The following DIP2C variants were observed in gnomAD, a reference collection of about 807,000 sequenced individuals.
DIP2C encodes disco-interacting protein 2 homolog C.
Under a neutral mutation model 192.4 loss-of-function variants are expected in DIP2C, and 33 were observed. That is an observed-to-expected ratio of 0.17 (90% CI 0.13 to 0.23). DIP2C has a LOEUF of 0.23. Among genes scored for constraint, DIP2C ranks in the 10% least tolerant of loss-of-function variants. The pLI, the probability that DIP2C is intolerant of heterozygous loss-of-function variation, is 1.00. For synonymous variants in DIP2C, 979 were observed against 864.1 expected, an observed-to-expected ratio of 1.13 and a Z score of -2.33; for missense variants, 1,537 against 2,110.1, an observed-to-expected ratio of 0.73 and a Z score of 5.32.
At chr10:668,297 AACAT>A (rs908706076) in intron 1 of DIP2C, 5 of 152,216 alleles carry the variant, frequency 3.3e-5, no homozygotes, top group Non-Finnish European at 5.9e-5. Flanking sequence ...TAACACATAC[AACAT>A]ACAACACATG....
chr10:626,673 G>C (rs1854224299), intron 1 of DIP2C, among the ~76,000 whole-genome samples: 1 of 152,196 alleles, frequency 6.6e-6, no homozygotes, highest in Non-Finnish European at 1.5e-5. Context: ...GGAAATGCCT[G>C]CATGGGGCCA....
At chr10:667,789 C>T (rs1857191509) in intron 1 of DIP2C, 1 of 152,106 alleles carries the variant, frequency 6.6e-6, no homozygotes, top group African/African-American at 2.4e-5. Context: ...ACACAACACT[C>T]ATACAAAACA....
chr10:420,472 G>T (rs1189353869), intron 5 of DIP2C, among the ~76,000 whole-genome samples: 1 of 152,218 alleles, frequency 6.6e-6, no homozygotes, highest in Non-Finnish European at 1.5e-5. Context: ...CCACCTGGAG[G>T]CAGGCAGGCC....
At chr10:581,469 A>AAAAAAAACCTCT (rs1850659738) in intron 1 of DIP2C, among the ~76,000 whole-genome samples, 20 of 152,168 alleles carry the variant, frequency 1.3e-4, no homozygotes, top group Admixed American at 1.3e-3. Context: ...GGTTTTTTTT[A>AAAAAAAACCTCT]AAGTTATATT....
chr10:609,681 A>G (rs571946725), intron 1 of DIP2C, among the ~76,000 whole-genome samples: 2 of 152,332 alleles, frequency 1.3e-5, no homozygotes, highest in East Asian at 1.9e-4. Flanking sequence ...TCCTTCTTAG[A>G]AAATAAAATA....
intron 4 of DIP2C, chr10:430,539 ATTG>A (rs906286208): frequency 3.9e-5 from 6 of 152,126 alleles, no homozygotes; most frequent in Non-Finnish European, 8.8e-5. Flanking sequence ...TTGTTTTGTT[ATTG>A]TTGACTTTTA....
chr10:630,546 A>C (rs371861810), intron 1 of DIP2C: 1 of 152,224 alleles, frequency 6.6e-6, no homozygotes, highest in East Asian at 1.9e-4. Flanking sequence ...TGAAATTTTA[A>C]AATTAGTTTT....
intron 1 of DIP2C, among the ~76,000 whole-genome samples, chr10:570,170 A>G (rs1025473131): frequency 1.3e-5 from 2 of 152,164 alleles, no homozygotes; most frequent in Non-Finnish European, 2.9e-5. Flanking sequence ...CCAGCATTCC[A>G]TCCAGCCTGT....
At chr10:327,598 T>C (rs902571356) in intron 30 of DIP2C, among the ~76,000 whole-genome samples, 2 of 152,324 alleles carry the variant, frequency 1.3e-5, no homozygotes, top group East Asian at 1.9e-4. Context: ...GATCTTGCTA[T>C]GCTGCCCAGG....
intron 1 of DIP2C, among the ~76,000 whole-genome samples, chr10:557,646 G>A (rs1291362928): frequency 9.2e-6 from 1 of 108,786 alleles, no homozygotes; most frequent in Non-Finnish European, 1.8e-5. Flanking sequence ...ATACAGGGTG[G>A]TGAGTGCACA....
rs550013914 is a variant in DIP2C, at chr10:495,678, A to T, written c.86-9148T>A. Among the ~76,000 whole-genome samples, 11 of 152,294 alleles carry T rather than the reference A, an allele frequency of 7.2e-5. No homozygotes were observed. In the East Asian group the frequency reaches 2.1e-3, roughly 29 times the overall value. On this transcript the variant is annotated intron_variant, in intron 1 of 36. Coordinates refer to ENST00000280886, the MANE Select transcript of DIP2C (RefSeq NM_014974.3). The stretch of plus-strand genomic sequence containing the variant: ...TCTGTGATGCTCAAGTCCCTGATAG[A>T]AAATGGCTCAGCATTTACATAGAAC...
intron 1 of DIP2C, among the ~76,000 whole-genome samples, chr10:588,715 C>T (rs1029919467): frequency 1.3e-5 from 2 of 152,230 alleles, no homozygotes; most frequent in Non-Finnish European, 2.9e-5. Context: ...GCTGCCGTCC[C>T]GCAGGCGGGG....
At chr10:644,268 T>G (rs1334840914) in intron 1 of DIP2C, among the ~76,000 whole-genome samples, 1 of 152,188 alleles carries the variant, frequency 6.6e-6, no homozygotes, top group Non-Finnish European at 1.5e-5. Context: ...GCAGGAGGCT[T>G]GCAGAGGGAG....
chr10:308,334 A>G (rs1956419588), intron 32 of DIP2C, among the ~76,000 whole-genome samples: 1 of 151,886 alleles, frequency 6.6e-6, no homozygotes, highest in Non-Finnish European at 1.5e-5. Context: ...CTGCACCGCC[A>G]GCTCCTGTTC....
In DIP2C at chr10:594,686, C is replaced by T. The variant is rs866828964; in HGVS notation, c.85+94808G>A. On this transcript the variant is annotated intron_variant, in intron 1 of 36. Coordinates refer to ENST00000280886, the MANE Select transcript of DIP2C (RefSeq NM_014974.3). ...TGCTTCCTGACAGGAAGGCCCAATG[C>T]TTCAACACCCCTAGTGAAGGGCAGG... Among the ~76,000 whole-genome samples the T allele has an allele frequency of 9.2e-5, 14 of 152,178 alleles. 1 individual carries two copies. The highest frequency in any genetic ancestry group is 3.3e-4 in the Admixed American group (5 of 15,284).
intron 24 of DIP2C, among the ~76,000 whole-genome samples, chr10:350,619 C>T (rs1589572273): frequency 1.3e-5 from 2 of 148,966 alleles, no homozygotes; most frequent in South Asian, 2.1e-4. Context: ...TGACTGAACA[C>T]CCGGGCTCAG....
At chr10:420,640 G>A (rs1448693605) in intron 5 of DIP2C, among the ~76,000 whole-genome samples, 1 of 152,170 alleles carries the variant, frequency 6.6e-6, no homozygotes, top group Non-Finnish European at 1.5e-5. Flanking sequence ...ACTAGAATGG[G>A]ATTTCCTATC....
At chr10:577,998 G>A (rs1270996831) in intron 1 of DIP2C, among the ~76,000 whole-genome samples, 1 of 151,980 alleles carries the variant, frequency 6.6e-6, no homozygotes, top group Admixed American at 6.6e-5. Context: ...AATTCCCAAA[G>A]GTGTGGAAAA....
At chr10:512,201 A>G (rs1846062616) in intron 1 of DIP2C, among the ~76,000 whole-genome samples, 1 of 152,202 alleles carries the variant, frequency 6.6e-6, no homozygotes, top group Non-Finnish European at 1.5e-5. Flanking sequence ...CTAGAGGCAT[A>G]TTATTATGGA....
Sources: allele counts gnomAD v4.1 joint callset (sites outside exome capture counted in the v4.1 genomes callset), GRCh38; gene constraint gnomAD v4.1.1; transcripts MANE v1.5; gene names NCBI Gene and HGNC (gene_info 2026-07-23, HGNC 2026-07-21).